The following RSRC1 variants were observed in gnomAD, a reference collection of about 807,000 sequenced individuals.
The protein encoded by RSRC1 is serine/Arginine-related protein 53.
Under a neutral mutation model 49.1 loss-of-function variants are expected in RSRC1, and 39 were observed. The ratio of observed to expected loss-of-function variants is 0.79; its 90% confidence interval spans 0.61 to 1.04. RSRC1 has a LOEUF of 1.04. Ranked by LOEUF, RSRC1 falls within the 50% of genes least tolerant of loss-of-function variation. The probability of loss-of-function intolerance (pLI) is 0.00; values close to 1 mark genes in which losing one functional copy is unlikely to be tolerated. For missense variants in RSRC1, 388 were observed against 402.4 expected, an observed-to-expected ratio of 0.96 and a Z score of 0.31; for synonymous variants, 143 against 130.8, an observed-to-expected ratio of 1.09 and a Z score of -0.63.
Position 158,207,273 on chromosome 3 carries a change from C to G in RSRC1, c.494+4028C>G, listed in dbSNP as rs534744556. Among the ~76,000 whole-genome samples, 3 of 152,230 alleles carry G rather than the reference C, an allele frequency of 2.0e-5. No homozygotes were observed. The South Asian group carries it at 6.2e-4, about 32-fold the overall frequency. On this transcript the variant is annotated intron_variant, in intron 4 of 9. Transcript: ENST00000611884. ...AGAATTTTCTGTACACTGTTTTTCCCTGATCAGCCCAGAAATCTCATTAGT... is the reference window on the plus strand; with the variant it reads ...AGAATTTTCTGTACACTGTTTTTCCGTGATCAGCCCAGAAATCTCATTAGT...
intron 4 of RSRC1, among the ~76,000 whole-genome samples, chr3:158,279,414 A>G (rs1726003929): frequency 1.3e-5 from 2 of 152,220 alleles, no homozygotes; most frequent in Admixed American, 6.5e-5. Context: ...TTTCCCAGAC[A>G]TTTAAGAATG....
At chr3:158,347,337 T>A (rs1730610432) in intron 5 of RSRC1, among the ~76,000 whole-genome samples, 1 of 152,176 alleles carries the variant, frequency 6.6e-6, no homozygotes, top group South Asian at 2.1e-4. Flanking sequence ...GACAAGACTC[T>A]GTAAAGGGCC....
rs144529917 is a variant in RSRC1, at chr3:158,237,975, A to G, written c.494+34730A>G. 1.4e-3 allele frequency among the ~76,000 whole-genome samples: 207 copies of G among 151,526 alleles called. 2 individuals carry two copies. The South Asian group carries it at 0.015, about 11-fold the overall frequency. The stretch of plus-strand genomic sequence containing the variant: ...CTCCTATTATTTTGAGATACGTTTC[A>G]TCAGCCTAAAATCTCCTTAAGCTGA... On this transcript the variant is annotated intron_variant, in intron 4 of 9. Coordinates refer to ENST00000611884, the MANE Select transcript of RSRC1 (RefSeq NM_001271838.2).
chr3:158,476,272 A>G (rs529084725), intron 7 of RSRC1, among the ~76,000 whole-genome samples: 7 of 152,316 alleles, frequency 4.6e-5, no homozygotes, highest in African/African-American at 1.7e-4. Flanking sequence ...AAAGTGCAAG[A>G]TGAAGCAGCA....
chr3:158,184,661 A>G (rs1719824585), intron 3 of RSRC1, among the ~76,000 whole-genome samples: 1 of 152,160 alleles, frequency 6.6e-6, no homozygotes, highest in Admixed American at 6.5e-5. Flanking sequence ...CTGGTAAACT[A>G]TTAGGTCTGT....
chr3:158,247,881 C>T (rs1276205071), intron 4 of RSRC1, among the ~76,000 whole-genome samples: 1 of 152,136 alleles, frequency 6.6e-6, no homozygotes. Flanking sequence ...GGCCATCGCC[C>T]CACCCTGCTT....
chr3:158,251,315 TTA>T (rs1371093729), intron 4 of RSRC1, among the ~76,000 whole-genome samples: 1 of 152,144 alleles, frequency 6.6e-6, no homozygotes, highest in East Asian at 1.9e-4. Flanking sequence ...TTTTGTGGTT[TTA>T]TATAAATTTT....
At chr3:158,452,122 G>C (rs188748475) in intron 6 of RSRC1, among the ~76,000 whole-genome samples, 1 of 152,052 alleles carries the variant, frequency 6.6e-6, no homozygotes, top group Non-Finnish European at 1.5e-5. Flanking sequence ...TTTGATTACT[G>C]TTTGCTTCCA....
intron 3 of RSRC1, among the ~76,000 whole-genome samples, chr3:158,138,532 A>G (rs1053704785): frequency 2.0e-5 from 3 of 152,216 alleles, no homozygotes; most frequent in Non-Finnish European, 4.4e-5. Flanking sequence ...CATAAGCACT[A>G]CTATTAGATT....
chr3:158,198,665 A>C (rs1241327731), intron 3 of RSRC1, among the ~76,000 whole-genome samples: 2 of 151,662 alleles, frequency 1.3e-5, no homozygotes, highest in Admixed American at 6.6e-5. Flanking sequence ...TCCTTCACCC[A>C]CTGTCGTGCA....
chr3:158,534,080 C>T (rs1208634673), intron 7 of RSRC1, among the ~76,000 whole-genome samples: 1 of 151,474 alleles, frequency 6.6e-6, no homozygotes, highest in African/African-American at 2.4e-5. Context: ...GGAGTATTGG[C>T]TGTGGTGGCT....
intron 6 of RSRC1, among the ~76,000 whole-genome samples, chr3:158,444,909 A>G (rs1326452577): frequency 6.6e-6 from 1 of 152,194 alleles, no homozygotes; most frequent in Non-Finnish European, 1.5e-5. Flanking sequence ...AAAAATGCTC[A>G]TCATCACTGG....
intron 5 of RSRC1, among the ~76,000 whole-genome samples, chr3:158,326,863 C>G (rs759535389): frequency 8.5e-4 from 130 of 152,218 alleles, no homozygotes; most frequent in Middle Eastern, 6.8e-3. Flanking sequence ...TGGTCCTATA[C>G]TTTTTTTGGT....
At position 158,490,277 on chromosome 3, in the gene RSRC1, G is replaced by T. The variant is rs574947479; in HGVS notation, c.652+29274G>T. Among the ~76,000 whole-genome samples, 3 of 152,156 alleles carry T rather than the reference G, an allele frequency of 2.0e-5. No homozygotes were observed. In the South Asian group the frequency reaches 6.2e-4, roughly 32 times the overall value. ...TTTTTTGTGTTTTTAGTAGAGATGG[G>T]GTTTCACCACGTTAGCCAGGATGGT... On this transcript the variant is annotated intron_variant, in intron 7 of 9. Coordinates refer to ENST00000611884, the MANE Select transcript of RSRC1 (RefSeq NM_001271838.2).
intron 3 of RSRC1, among the ~76,000 whole-genome samples, chr3:158,197,550 A>C (rs1375453353): frequency 6.6e-6 from 1 of 152,016 alleles, no homozygotes; most frequent in African/African-American, 2.4e-5. Context: ...TAGCTTTTGA[A>C]TGTGTTTGCT....
intron 5 of RSRC1, among the ~76,000 whole-genome samples, chr3:158,337,982 A>AT: frequency 6.6e-6 from 1 of 152,368 alleles, no homozygotes; most frequent in Non-Finnish European, 1.5e-5. Flanking sequence ...TTAATTCATT[A>AT]GATGCTGAGG....
intron 4 of RSRC1, among the ~76,000 whole-genome samples, chr3:158,292,649 A>G (rs1160779987): frequency 6.6e-6 from 1 of 152,166 alleles, no homozygotes; most frequent in African/African-American, 2.4e-5. Flanking sequence ...GTTTTATACC[A>G]TTTGTTGTAA....
At chr3:158,437,394 A>G (rs1736109205) in intron 6 of RSRC1, among the ~76,000 whole-genome samples, 1 of 152,006 alleles carries the variant, frequency 6.6e-6, no homozygotes, top group African/African-American at 2.4e-5. Context: ...TAAGAAACAA[A>G]TATGTTAAAT....
chr3:158,448,849 G>A (rs184644472), intron 6 of RSRC1, among the ~76,000 whole-genome samples: 2 of 152,002 alleles, frequency 1.3e-5, no homozygotes, highest in Admixed American at 6.6e-5. Flanking sequence ...TCTAGAAGAC[G>A]TGACACAGAA....
Sources: gnomAD v4.1 joint callset for allele counts (sites outside exome capture counted in the v4.1 genomes callset) on GRCh38, gnomAD v4.1.1 for gene constraint, MANE v1.5 for transcripts, NCBI Gene and HGNC (gene_info 2026-07-23, HGNC 2026-07-21) for gene names.